The following TLK1 variants were observed in gnomAD, a reference collection of about 807,000 sequenced individuals.
TLK1 encodes the protein tousled like kinase 1, also known as serine/threonine-protein kinase tousled-like 1.
In TLK1, 24 loss-of-function variants were observed where a neutral mutation model predicts 105.3. That is an observed-to-expected ratio of 0.23 (90% CI 0.17 to 0.32). The LOEUF (loss-of-function observed/expected upper bound fraction) is 0.32, where lower values mean the gene tolerates loss of function less well. Ranked by LOEUF, TLK1 falls within the 10% of genes least tolerant of loss-of-function variation. The pLI is 1.00. For synonymous variants in TLK1, 321 were observed against 310.4 expected (o/e 1.03, Z -0.36); for missense variants, 558 against 910.5 (o/e 0.61, Z 4.98).
intron 10 of TLK1, among the ~76,000 whole-genome samples, chr2:171,046,806 A>G (rs184662640): frequency 1.4e-3 from 220 of 152,332 alleles, no homozygotes; most frequent in African/African-American, 5.2e-3. Context: ...GAATGAAATG[A>G]GATAAAACAA....
At chr2:171,076,227 G>A (rs1688498111) in intron 3 of TLK1, among the ~76,000 whole-genome samples, 1 of 150,800 alleles carries the variant, frequency 6.6e-6, no homozygotes, top group South Asian at 2.1e-4. Context: ...CGGAGGGCGG[G>A]GGGAGAAAAA....
chr2:171,094,331 A>G (rs765263097), intron 2 of TLK1, among the ~76,000 whole-genome samples: 2 of 152,168 alleles, frequency 1.3e-5, no homozygotes, highest in Non-Finnish European at 2.9e-5. Context: ...AACAACAGAT[A>G]CAAAGGACAT....
chr2:171,122,504 A>G (rs1690694121), intron 1 of TLK1, among the ~76,000 whole-genome samples: 1 of 152,146 alleles, frequency 6.6e-6, no homozygotes, highest in South Asian at 2.1e-4. Flanking sequence ...TAATTACTAT[A>G]TACATTCATG....
At chr2:170,994,790 A>G (rs1161706457) in intron 20 of TLK1, 3 of 449,614 alleles carry the variant, frequency 6.7e-6, no homozygotes, top group East Asian at 1.4e-4. Context: ...TAGAATTATA[A>G]ATTATGTTCT....
At chr2:171,170,744 G>A (rs1444731182) in intron 1 of TLK1, among the ~76,000 whole-genome samples, 1 of 152,202 alleles carries the variant, frequency 6.6e-6, no homozygotes. Context: ...GTTGTTTGGT[G>A]CTTTATTTGC....
intron 4 of TLK1, among the ~76,000 whole-genome samples, chr2:171,058,920 C>T (rs768779503): frequency 6.6e-6 from 1 of 152,136 alleles, no homozygotes; most frequent in Non-Finnish European, 1.5e-5. Context: ...TATAAACATA[C>T]ATATATTTGT....
upstream of TLK1, among the ~76,000 whole-genome samples, chr2:171,165,469 A>G (rs2105298990): frequency 6.6e-6 from 1 of 152,306 alleles, no homozygotes; most frequent in South Asian, 2.1e-4. Context: ...TTAATAGACT[A>G]TTTTCTATTT....
chr2:171,186,776 T>C (rs1272873833), intron 1 of TLK1, among the ~76,000 whole-genome samples: 1 of 152,148 alleles, frequency 6.6e-6, no homozygotes, highest in Non-Finnish European at 1.5e-5. Context: ...GAATACTCTT[T>C]AGGCTGGGCA....
At chr2:171,162,397 G>T (rs1352297421), upstream of TLK1, among the ~76,000 whole-genome samples, 1 of 152,158 alleles carries the variant, frequency 6.6e-6, no homozygotes, top group Non-Finnish European at 1.5e-5. Flanking sequence ...AATTAGCCGG[G>T]TGTAGCGGCA....
chr2:171,033,905 A>C (rs1378150406), intron 11 of TLK1, among the ~76,000 whole-genome samples: 2 of 151,178 alleles, frequency 1.3e-5, no homozygotes, highest in African/African-American at 4.8e-5. Flanking sequence ...AAAAAAAAAA[A>C]AACCTCCCAC....
intron 1 of TLK1, among the ~76,000 whole-genome samples, chr2:171,143,849 T>A (rs1691688995): frequency 6.6e-6 from 1 of 152,106 alleles, no homozygotes; most frequent in African/African-American, 2.4e-5. Context: ...ACCCTATCAG[T>A]AACACTAAAT....
chr2:171,154,307 G>A (rs1200522693), intron 1 of TLK1: 2 of 151,806 alleles, frequency 1.3e-5, no homozygotes, highest in Admixed American at 6.6e-5. Context: ...ATTATATTAC[G>A]ACTAATGTCA....
At chr2:171,016,678 AAG>A (rs1395027826) in intron 12 of TLK1, among the ~76,000 whole-genome samples, 1 of 152,212 alleles carries the variant, frequency 6.6e-6, no homozygotes, top group Non-Finnish European at 1.5e-5. Context: ...ATTTCATTCA[AAG>A]ACAGAAAACA....
chr2:171,063,067 C>T (rs933163915), intron 3 of TLK1, among the ~76,000 whole-genome samples: 1 of 152,062 alleles, frequency 6.6e-6, no homozygotes, highest in Non-Finnish European at 1.5e-5. Flanking sequence ...CTAAATCGGC[C>T]GGGTGCAGTG....
rs113322746 is a variant in TLK1 at position 171,160,733 on chromosome 2, G to A, written c.-305C>T. 6.5e-3 allele frequency: 2,921 copies of A among 450,654 alleles called. 31 individuals carry two copies. Among genetic ancestry groups the A allele is most frequent in the African/African-American group, 0.013 (611 of 47,742 alleles). 27.9% of individuals were successfully genotyped at this position (450,654 alleles called of 1,614,324 possible). A position where few individuals can be genotyped will look rare whatever the true frequency, so the allele number is the denominator to read the frequency against. On this transcript the variant is annotated 5_prime_UTR_variant, in exon 1 of 21. Coordinates refer to ENST00000431350, the MANE Select transcript of TLK1 (RefSeq NM_012290.5). This position sits in a 1 kb window ranked among gnomAD's most constrained non-coding sequence, Gnocchi z 4.4. The stretch of plus-strand genomic sequence containing the variant: ...GAGGCGTCGAGGGGGTGCCAGCCGG[G>A]CCGGGGTCGGAGCGCGGGCGGAGCG...
intron 18 of TLK1, among the ~76,000 whole-genome samples, chr2:171,002,665 C>T (rs773966095): frequency 2.6e-5 from 4 of 152,128 alleles, no homozygotes; most frequent in Non-Finnish European, 5.9e-5. Context: ...CATGTTCTCA[C>T]TCTGTTACCC....
At chr2:171,027,071 A>G (rs571690428) in intron 12 of TLK1, among the ~76,000 whole-genome samples, 3 of 152,122 alleles carry the variant, frequency 2.0e-5, no homozygotes, top group Non-Finnish European at 4.4e-5. Flanking sequence ...ATATATAATA[A>G]TTTTCTATTC....
chr2:171,162,658 T>C (rs1320943109), upstream of TLK1, among the ~76,000 whole-genome samples: 1 of 152,244 alleles, frequency 6.6e-6, no homozygotes, highest in Non-Finnish European at 1.5e-5. Flanking sequence ...AAGTTTCCTC[T>C]TTGTGGTTCC....
intron 2 of TLK1, among the ~76,000 whole-genome samples, chr2:171,085,281 T>C (rs1012263365): frequency 1.3e-5 from 2 of 151,846 alleles, no homozygotes; most frequent in Non-Finnish European, 2.9e-5. Flanking sequence ...TCCCAGATAC[T>C]TGGGAGGCTG....
Sources: gnomAD v4.1 joint callset for allele counts (sites outside exome capture counted in the v4.1 genomes callset) on GRCh38, gnomAD v4.1.1 for gene constraint, Gnocchi (gnomAD v3.1) non-coding constraint, MANE v1.5 for transcripts, NCBI Gene and HGNC (gene_info 2026-07-23, HGNC 2026-07-21) for gene names.